LOC400499: variants seen among roughly 807,000 people sequenced by gnomAD.
At chr16:11,405,685 G>A in the LOC400499 span, among the ~76,000 whole-genome samples, 2 of 152,150 alleles carry the variant, frequency 1.3e-5, no homozygotes, top group East Asian at 1.9e-4. Context: ...CCCCCAGCTT[G>A]GTCCACGCAT....
the LOC400499 span, among the ~76,000 whole-genome samples, chr16:11,391,058 A>G: frequency 1.3e-5 from 2 of 152,206 alleles, no homozygotes; most frequent in Non-Finnish European, 2.9e-5. Context: ...CGCTGGGCGG[A>G]GTCCTGGCGC....
At chr16:11,392,795 C>A in the LOC400499 span, 1 of 984,186 alleles carries the variant, frequency 1.0e-6, no homozygotes, top group African/African-American at 1.7e-5. Flanking sequence ...CAGCTCACTC[C>A]CAGCAGCTGA....
chr16:11,381,961 G>C, the LOC400499 span, among the ~76,000 whole-genome samples: 1,020 of 111,424 alleles, frequency 9.2e-3, 11 homozygotes, highest in African/African-American at 0.032. Context: ...TTTTTTTTTT[G>C]AGACGGAGTC....
chr16:11,526,540 G>A, the LOC400499 span, among the ~76,000 whole-genome samples: 42 of 152,178 alleles, frequency 2.8e-4, no homozygotes, highest in Middle Eastern at 0.014. Context: ...GAAATATGTC[G>A]TAAGTATAAA....
chr16:11,452,597 C>A, the LOC400499 span, among the ~76,000 whole-genome samples: 1 of 152,270 alleles, frequency 6.6e-6, no homozygotes, highest in Admixed American at 6.5e-5. Context: ...GGAAGGACAA[C>A]TGCATCTGCC....
At chr16:11,410,088 G>T in the LOC400499 span, among the ~76,000 whole-genome samples, 1 of 152,190 alleles carries the variant, frequency 6.6e-6, no homozygotes, top group African/African-American at 2.4e-5. Flanking sequence ...AGGCTGCAGT[G>T]AGCTATGATC....
the LOC400499 span, chr16:11,390,003 G>T: frequency 1.4e-6 from 1 of 689,968 alleles, no homozygotes; most frequent in Non-Finnish European, 2.0e-6. Context: ...CCTGGGCAGG[G>T]TGGTCACAGG....
chr16:11,513,401 G>A, the LOC400499 span, among the ~76,000 whole-genome samples: 1 of 38,484 alleles, frequency 2.6e-5, no homozygotes, highest in African/African-American at 8.0e-5. Flanking sequence ...ACGAGACTGT[G>A]TCTCCAAAAA....
the LOC400499 span, chr16:11,462,292 G>A: frequency 9.3e-6 from 14 of 1,500,648 alleles, no homozygotes; most frequent in South Asian, 1.3e-5. Context: ...CTGGCTGCAG[G>A]TCACTCCAGC....
the LOC400499 span, chr16:11,471,731 C>T: frequency 7.5e-5 from 30 of 399,212 alleles, no homozygotes; most frequent in African/African-American, 1.4e-4. Context: ...GTCACGGCCG[C>T]GAACACAGGC....
At chr16:11,508,389 T>C in the LOC400499 span, among the ~76,000 whole-genome samples, 1 of 152,222 alleles carries the variant, frequency 6.6e-6, no homozygotes, top group Non-Finnish European at 1.5e-5. Context: ...AAGTCCTCAA[T>C]GCTGAGGCTC....
At chr16:11,393,164 C>CCCTT in the LOC400499 span, among the ~76,000 whole-genome samples, 3,069 of 114,724 alleles carry the variant, frequency 0.027, 121 homozygotes, top group African/African-American at 0.065. Flanking sequence ...ACCCCCCCCC[C>CCCTT]TTTTTTTTAA....
the LOC400499 span, chr16:11,446,842 T>C: frequency 4.8e-3 from 7,395 of 1,536,074 alleles, 27 homozygotes; most frequent in Non-Finnish European, 6.0e-3. Context: ...ATAGCGCTGG[T>C]GTCGCCTATC....
chr16:11,449,026 C>T, the LOC400499 span: 2 of 1,519,924 alleles, frequency 1.3e-6, no homozygotes, highest in Non-Finnish European at 1.8e-6. Flanking sequence ...TGGATCTCGC[C>T]CTGCACTGCT....
the LOC400499 span, among the ~76,000 whole-genome samples, chr16:11,527,325 A>T: frequency 3.9e-5 from 6 of 152,124 alleles, no homozygotes; most frequent in South Asian, 1.2e-3. Context: ...GGGGGCATTC[A>T]GAACAGAGAT....
the LOC400499 span, among the ~76,000 whole-genome samples, chr16:11,398,750 C>A: frequency 6.6e-6 from 1 of 151,960 alleles, no homozygotes; most frequent in African/African-American, 2.4e-5. Flanking sequence ...ACCTCTACCT[C>A]CCAGGTTCAA....
the LOC400499 span, chr16:11,398,632 T>C: frequency 1.5e-6 from 1 of 687,678 alleles, no homozygotes; most frequent in Middle Eastern, 4.6e-4. Context: ...AGAGCTCTCA[T>C]CAGCCACAGC....
the LOC400499 span, chr16:11,515,865 A>G: frequency 3.5e-4 from 5 of 14,338 alleles, no homozygotes; most frequent in Non-Finnish European, 8.1e-4. Context: ...AGCCCAGCCC[A>G]GCCCAGCCCA....
the LOC400499 span, chr16:11,448,818 G>A: frequency 9.9e-7 from 1 of 1,008,614 alleles, no homozygotes; most frequent in Non-Finnish European, 1.3e-6. Flanking sequence ...GGCCAAGCCA[G>A]TAGCACAAAG....
Sources: gnomAD v4.1 joint callset for allele counts (sites outside exome capture counted in the v4.1 genomes callset) on GRCh38, gnomAD v4.1.1 for gene constraint, MANE v1.5 for transcripts.